FAM117B: variants seen among roughly 807,000 people sequenced by gnomAD.
FAM117B encodes the protein protein FAM117B.
Under a neutral mutation model 52.8 loss-of-function variants are expected in FAM117B, and 22 were observed. That is an observed-to-expected ratio of 0.42 (90% CI 0.30 to 0.59). The LOEUF (loss-of-function observed/expected upper bound fraction) is 0.59, where lower values mean the gene tolerates loss of function less well. Ranked by LOEUF, FAM117B falls within the 20% of genes least tolerant of loss-of-function variation. The pLI is 0.22. For synonymous variants in FAM117B, 309 were observed against 324.1 expected, an observed-to-expected ratio of 0.95 and a Z score of 0.50; for missense variants, 678 against 802.6, an observed-to-expected ratio of 0.84 and a Z score of 1.88.
chr2:202,694,188 C>CTTTTTTTTTTTTTTTTTTTTTTTTTTT (rs757843381), intron 1 of FAM117B, among the ~76,000 whole-genome samples: 5 of 99,098 alleles, frequency 5.0e-5, no homozygotes, highest in African/African-American at 2.2e-4. Flanking sequence ...AAACCCACTT[C>CTTTTTTTTTTTTTTTTTTTTTTTTTTT]TTTTTTTTTT....
At chr2:202,724,855 A>C (rs964743994) in intron 2 of FAM117B, 62 bp from the exon 3 acceptor site, 1 of 1,200,716 alleles carries the variant, frequency 8.3e-7, no homozygotes, top group South Asian at 1.6e-5. Context: ...ATAGAAAAAT[A>C]TGGTAGACAT....
intron 4 of FAM117B, among the ~76,000 whole-genome samples, chr2:202,738,455 AAAG>A (rs756150935): frequency 3.3e-4 from 50 of 152,214 alleles, no homozygotes; most frequent in East Asian, 1.5e-3. Context: ...ATTTATAAAA[AAAG>A]AAGACATCAG....
At chr2:202,752,416 CTTTTTTT>C (rs57518801) in intron 4 of FAM117B, among the ~76,000 whole-genome samples, 149 of 136,730 alleles carry the variant, frequency 1.1e-3, no homozygotes, top group Non-Finnish European at 1.7e-4. Flanking sequence ...TATGCTTTTT[CTTTTTTT>C]TTTTTTTTTC....
intron 4 of FAM117B, among the ~76,000 whole-genome samples, chr2:202,750,428 G>A (rs954795899): frequency 2.0e-5 from 3 of 152,008 alleles, no homozygotes; most frequent in Non-Finnish European, 4.4e-5. Context: ...TGGGAGGATC[G>A]CCTGAGGCCA....
intron 1 of FAM117B, among the ~76,000 whole-genome samples, chr2:202,669,479 G>C (rs2105765053): frequency 6.6e-6 from 1 of 152,028 alleles, no homozygotes; most frequent in Non-Finnish European, 1.5e-5. Context: ...GATAAAGTTT[G>C]CTTATTTTCG....
intron 4 of FAM117B, among the ~76,000 whole-genome samples, chr2:202,732,419 C>T (rs891503881): frequency 6.6e-6 from 1 of 152,108 alleles, no homozygotes; most frequent in African/African-American, 2.4e-5. Flanking sequence ...TGTCTATCAG[C>T]TGATAAAAGG....
intron 1 of FAM117B, among the ~76,000 whole-genome samples, chr2:202,676,375 G>T (rs954617980): frequency 7.6e-6 from 1 of 130,986 alleles, no homozygotes. Context: ...AATATTCCTT[G>T]TTTTTTTTTT....
chr2:202,664,459 A>T (rs1039040525), intron 1 of FAM117B, among the ~76,000 whole-genome samples: 1 of 152,234 alleles, frequency 6.6e-6, no homozygotes, highest in Non-Finnish European at 1.5e-5. Context: ...GAATGAGACA[A>T]CTGAGGCATT....
chr2:202,640,169 G>A (rs1689746339), intron 1 of FAM117B, among the ~76,000 whole-genome samples: 1 of 150,708 alleles, frequency 6.6e-6, no homozygotes, highest in South Asian at 2.1e-4. Flanking sequence ...TACCGGGGAG[G>A]CAGAGGCAGG....
chr2:202,643,319 C>A (rs888986391), intron 1 of FAM117B, among the ~76,000 whole-genome samples: 1 of 151,970 alleles, frequency 6.6e-6, no homozygotes, highest in Non-Finnish European at 1.5e-5. Context: ...ATGGAAAATG[C>A]GAGAGGCATG....
chr2:202,643,908 C>G (rs1689811126), intron 1 of FAM117B, among the ~76,000 whole-genome samples: 1 of 152,040 alleles, frequency 6.6e-6, no homozygotes, highest in South Asian at 2.1e-4. Flanking sequence ...CAGGGTTTCC[C>G]CGTGTTGGCC....
chr2:202,736,907 T>G (rs938309617), intron 4 of FAM117B, among the ~76,000 whole-genome samples: 1 of 151,596 alleles, frequency 6.6e-6, no homozygotes, highest in African/African-American at 2.4e-5. Context: ...AAAGCACATT[T>G]TCATAAAAAA....
intron 2 of FAM117B, among the ~76,000 whole-genome samples, chr2:202,698,580 G>A (rs570788687): frequency 2.6e-5 from 4 of 152,058 alleles, no homozygotes; most frequent in Non-Finnish European, 5.9e-5. Flanking sequence ...ACGCCACCAC[G>A]CCTGGCTAAT....
At chr2:202,681,237 G>T (rs1455936122) in intron 1 of FAM117B, among the ~76,000 whole-genome samples, 1 of 152,076 alleles carries the variant, frequency 6.6e-6, no homozygotes. Flanking sequence ...GATTATGAAG[G>T]AAGAGAAGGG....
At chr2:202,745,377 G>T (rs1462946280) in intron 4 of FAM117B, among the ~76,000 whole-genome samples, 2 of 151,902 alleles carry the variant, frequency 1.3e-5, no homozygotes, top group Non-Finnish European at 2.9e-5. Context: ...ACTTAAGCAA[G>T]TCCTACATCT....
chr2:202,645,881 A>G (rs1689854923), intron 1 of FAM117B, among the ~76,000 whole-genome samples: 1 of 150,978 alleles, frequency 6.6e-6, no homozygotes, highest in Admixed American at 6.6e-5. Context: ...CTGGGATTAC[A>G]GGAGTGAGCC....
intron 1 of FAM117B, among the ~76,000 whole-genome samples, chr2:202,637,264 T>C (rs929330641): frequency 6.6e-6 from 1 of 150,400 alleles, no homozygotes; most frequent in African/African-American, 2.4e-5. Context: ...TTTATATTTT[T>C]ATTTATTTTT....
chr2:202,718,748 C>T (rs1399251503), intron 2 of FAM117B, among the ~76,000 whole-genome samples: 4 of 152,058 alleles, frequency 2.6e-5, no homozygotes, highest in Non-Finnish European at 4.4e-5. Context: ...CTGATGCTGC[C>T]CAGCGATCTA....
chr2:202,648,355 A>T (rs1428801536), intron 1 of FAM117B, among the ~76,000 whole-genome samples: 1 of 152,004 alleles, frequency 6.6e-6, no homozygotes, highest in African/African-American at 2.4e-5. Flanking sequence ...ACTAAAATAC[A>T]GAAAAAAATT....
Sources: allele counts gnomAD v4.1 joint callset (sites outside exome capture counted in the v4.1 genomes callset), GRCh38; gene constraint gnomAD v4.1.1; transcripts MANE v1.5; gene names NCBI Gene and HGNC (gene_info 2026-07-23, HGNC 2026-07-21).